The following PTPN3 variants were observed in gnomAD, a reference collection of about 807,000 sequenced individuals.
PTPN3 encodes the protein tyrosine-protein phosphatase non-receptor type 3.
In PTPN3, 96 loss-of-function variants were observed where a neutral mutation model predicts 132.7. The ratio of observed to expected loss-of-function variants is 0.72; its 90% confidence interval spans 0.61 to 0.86. The LOEUF (loss-of-function observed/expected upper bound fraction) is 0.86, where lower values mean the gene tolerates loss of function less well. PTPN3 is among the 40% of genes least tolerant of loss of function. The pLI is 0.00. For missense variants in PTPN3, 1,125 were observed against 1,159.6 expected (o/e 0.97, Z 0.43); for synonymous variants, 398 against 429.0 (o/e 0.93, Z 0.89).
chr9:109,508,952 G>C, the PTPN3 span, among the ~76,000 whole-genome samples: 5 of 152,122 alleles, frequency 3.3e-5, no homozygotes, highest in African/African-American at 1.2e-4. Context: ...CCAGTGCTTT[G>C]GGAGGTCGAG....
chr9:109,485,632 C>T (rs1431298496), intron 1 of PTPN3, among the ~76,000 whole-genome samples: 1 of 152,250 alleles, frequency 6.6e-6, no homozygotes, highest in African/African-American at 2.4e-5. Flanking sequence ...GAGAGCTCCC[C>T]TTCCCCGCCC....
At chr9:109,535,733 C>G in the PTPN3 span, among the ~76,000 whole-genome samples, 12 of 152,250 alleles carry the variant, frequency 7.9e-5, no homozygotes, top group African/African-American at 2.9e-4. Context: ...TCTTGAACTC[C>G]TGGCCTCAAG....
intron 7 of PTPN3, among the ~76,000 whole-genome samples, chr9:109,439,267 T>G (rs553293515): frequency 6.6e-6 from 1 of 152,190 alleles, no homozygotes; most frequent in East Asian, 1.9e-4. Flanking sequence ...GTTTTCCCAT[T>G]TGTCTAAAAA....
intron 14 of PTPN3, among the ~76,000 whole-genome samples, chr9:109,412,002 C>T (rs1053929691): frequency 3.3e-5 from 5 of 152,160 alleles, no homozygotes; most frequent in East Asian, 3.8e-4. Flanking sequence ...CTTTCACTTA[C>T]GTAAAAGGAA....
intron 19 of PTPN3, among the ~76,000 whole-genome samples, chr9:109,395,231 A>G (rs947119565): frequency 6.6e-6 from 1 of 152,194 alleles, no homozygotes; most frequent in African/African-American, 2.4e-5. Flanking sequence ...GAATTATCTG[A>G]ATTATGTCAA....
At chr9:109,437,621 G>C (rs1485117266) in intron 8 of PTPN3, among the ~76,000 whole-genome samples, 2 of 152,174 alleles carry the variant, frequency 1.3e-5, no homozygotes, top group Non-Finnish European at 2.9e-5. Context: ...GCTGAGGCTC[G>C]CAACAAATAC....
At chr9:109,437,721 G>A (rs1056655798) in intron 8 of PTPN3, among the ~76,000 whole-genome samples, 6 of 151,932 alleles carry the variant, frequency 3.9e-5, no homozygotes, top group South Asian at 4.2e-4. Context: ...AGCACTGTAC[G>A]TCCATCTGTC....
At chr9:109,449,913 C>T in intron 5 of PTPN3, 1 of 985,416 alleles carries the variant, frequency 1.0e-6, no homozygotes. Context: ...TTGCACAGTT[C>T]CGGGCTTTGT....
intron 22 of PTPN3, among the ~76,000 whole-genome samples, chr9:109,387,474 C>T (rs1386342859): frequency 6.6e-6 from 1 of 152,184 alleles, no homozygotes. Flanking sequence ...AGCAGCAAAC[C>T]TATCTGCCTC....
At chr9:109,522,467 C>T in the PTPN3 span, among the ~76,000 whole-genome samples, 2 of 152,202 alleles carry the variant, frequency 1.3e-5, no homozygotes, top group Admixed American at 6.5e-5. Context: ...CTGACTAGCA[C>T]GCCTGATGCT....
intron 5 of PTPN3, among the ~76,000 whole-genome samples, chr9:109,451,792 A>G (rs563565398): frequency 2.8e-4 from 42 of 152,298 alleles, no homozygotes; most frequent in African/African-American, 7.9e-4. Flanking sequence ...CTCTCCCTCA[A>G]GTTTGGCCAC....
intron 1 of PTPN3, among the ~76,000 whole-genome samples, chr9:109,467,646 A>G (rs2132061155): frequency 6.6e-6 from 1 of 152,338 alleles, no homozygotes; most frequent in African/African-American, 2.4e-5. Flanking sequence ...GCAGAAAAAA[A>G]CTAAGATTTG....
chr9:109,519,791 C>A, the PTPN3 span, among the ~76,000 whole-genome samples: 1 of 152,158 alleles, frequency 6.6e-6, no homozygotes, highest in Non-Finnish European at 1.5e-5. Context: ...CGCACTTAAC[C>A]CTGACAGCCT....
chr9:109,473,702 T>G (rs2132079326), intron 1 of PTPN3, among the ~76,000 whole-genome samples: 1 of 152,290 alleles, frequency 6.6e-6, no homozygotes, highest in African/African-American at 2.4e-5. Context: ...CTAAGTATAT[T>G]AAATGAAGCC....
chr9:109,516,116 C>G, the PTPN3 span, among the ~76,000 whole-genome samples: 2 of 152,148 alleles, frequency 1.3e-5, no homozygotes, highest in Admixed American at 1.3e-4. Flanking sequence ...GCCATCTGTC[C>G]TAGGTCCACT....
At chr9:109,478,068 G>A (rs949255655) in intron 1 of PTPN3, among the ~76,000 whole-genome samples, 1 of 152,200 alleles carries the variant, frequency 6.6e-6, no homozygotes, top group Non-Finnish European at 1.5e-5. Context: ...TGAACCCTGA[G>A]CTTCTTTCAA....
chr9:109,533,784 G>T, the PTPN3 span: 1 of 1,204,880 alleles, frequency 8.3e-7, no homozygotes, highest in Non-Finnish European at 1.2e-6. Context: ...CGGCGTGGTT[G>T]AGCCTGGCCT....
intron 14 of PTPN3, chr9:109,417,511 C>T: frequency 1.2e-6 from 1 of 851,602 alleles, no homozygotes; most frequent in Non-Finnish European, 1.4e-6. Flanking sequence ...TTTGCAAATA[C>T]TCACAGAAAC....
At chr9:109,523,438 A>G in the PTPN3 span, among the ~76,000 whole-genome samples, 2 of 152,120 alleles carry the variant, frequency 1.3e-5, no homozygotes, top group Non-Finnish European at 2.9e-5. Context: ...AAACAGTCAG[A>G]TTAAATGGCT....
Sources: allele counts gnomAD v4.1 joint callset (sites outside exome capture counted in the v4.1 genomes callset), GRCh38; gene constraint gnomAD v4.1.1; transcripts MANE v1.5; gene names NCBI Gene and HGNC (gene_info 2026-07-23, HGNC 2026-07-21).